Variants in PUDP observed in about 807,000 individuals in gnomAD.
PUDP encodes the protein pseudouridine-5'-phosphatase.
In PUDP, 8 loss-of-function variants were observed where a neutral mutation model predicts 9.4. The observed-to-expected ratio is 0.85, with a 90% CI of 0.50 to 1.53. The LOEUF is 1.53. Among genes scored for constraint, PUDP ranks in the 40% most tolerant of loss-of-function variants. The probability of loss-of-function intolerance (pLI) is 0.00; values close to 1 mark genes in which losing one functional copy is unlikely to be tolerated. For synonymous variants in PUDP, 99 were observed against 80.7 expected (o/e 1.23, Z -1.22); for missense variants, 188 against 189.7 (o/e 0.99, Z 0.05).
intron 1 of PUDP, among the ~76,000 whole-genome samples, chrX:7,012,282 A>C (rs1032245662): frequency 8.9e-6 from 1 of 112,042 alleles, no homozygotes; most frequent in African/African-American, 3.3e-5. Context: ...AAAAGCTTTG[A>C]GCTTTTGGCA....
At chrX:6,956,557 G>T (rs948429204) in intron 3 of PUDP, among the ~76,000 whole-genome samples, 2 of 111,568 alleles carry the variant, frequency 1.8e-5, no homozygotes, top group Admixed American at 1.9e-4. Context: ...TGAACTATCT[G>T]GGCTGGAGGT....
At chrX:6,720,185 TAC>T (rs1261839991) in intron 1 of PUDP, among the ~76,000 whole-genome samples, 1 of 99,952 alleles carries the variant, frequency 1.0e-5, no homozygotes, top group Non-Finnish European at 2.0e-5. Context: ...TGTGTGTATA[TAC>T]ATATGTGTAT....
intron 3 of PUDP, among the ~76,000 whole-genome samples, chrX:6,844,900 C>T (rs1408732468): frequency 1.8e-5 from 2 of 112,041 alleles, no homozygotes; most frequent in African/African-American, 6.5e-5. Context: ...AGCCTGAGAA[C>T]GAGAAGCTGG....
intron 3 of PUDP, among the ~76,000 whole-genome samples, chrX:7,050,962 G>C (rs939220567): frequency 1.8e-5 from 2 of 112,109 alleles, no homozygotes; most frequent in Admixed American, 1.9e-4. Flanking sequence ...GTGCTAGTGT[G>C]ACGTGACAAA....
chrX:7,081,995 C>T (rs747577716), intron 2 of PUDP, among the ~76,000 whole-genome samples: 1 of 112,710 alleles, frequency 8.9e-6, no homozygotes, highest in African/African-American at 3.2e-5. Flanking sequence ...CACTCAGTGG[C>T]TTTCCCTGAG....
chrX:7,098,971 C>A (rs1371783589), intron 2 of PUDP, among the ~76,000 whole-genome samples: 5 of 101,098 alleles, frequency 4.9e-5, no homozygotes, highest in Non-Finnish European at 1.0e-4. Context: ...GGCTGAGGAG[C>A]ACATCTGCAA....
At chrX:6,745,697 A>G (rs5948745) in intron 3 of PUDP, among the ~76,000 whole-genome samples, 36,718 of 110,608 alleles carry the variant, frequency 0.33, 5,942 homozygotes, top group African/African-American at 0.62. Flanking sequence ...AGGCTGGAGT[A>G]CAGTGGCACA....
At chrX:7,037,915 T>C (rs1384932876) in intron 1 of PUDP, among the ~76,000 whole-genome samples, 1 of 111,410 alleles carries the variant, frequency 9.0e-6, no homozygotes, top group African/African-American at 3.3e-5. Flanking sequence ...ATGATGGCAG[T>C]TTTAATGCTA....
intron 2 of PUDP, chrX:7,084,884 A>G (rs1931217782): frequency 8.9e-6 from 1 of 112,078 alleles, no homozygotes; most frequent in Non-Finnish European, 1.9e-5. Context: ...CAATTAAAAA[A>G]TAAATAAGTT....
chrX:7,077,620 C>T (rs891934226), intron 2 of PUDP, among the ~76,000 whole-genome samples, 171 bp from the exon 3 acceptor site: 6 of 112,427 alleles, frequency 5.3e-5, no homozygotes, highest in African/African-American at 1.6e-4. Context: ...CCACAACATC[C>T]CTGCTCAAAT....
intron 3 of PUDP, among the ~76,000 whole-genome samples, chrX:6,822,848 T>A (rs1037624657): frequency 1.8e-5 from 2 of 110,234 alleles, no homozygotes; most frequent in Non-Finnish European, 3.8e-5. Flanking sequence ...GCTCCTCTGC[T>A]TCCTCTCACC....
intron 3 of PUDP, among the ~76,000 whole-genome samples, chrX:6,933,622 G>A (rs1294403228): frequency 8.9e-6 from 1 of 112,320 alleles, no homozygotes. Context: ...ATGGAACAAA[G>A]CTGGATGGAG....
At chrX:7,017,241 C>A (rs1200464553) in intron 1 of PUDP, among the ~76,000 whole-genome samples, 1 of 111,861 alleles carries the variant, frequency 8.9e-6, no homozygotes, top group Non-Finnish European at 1.9e-5. Context: ...GCACCACATT[C>A]TTTAGGTCCC....
At chrX:6,923,775 A>G (rs1366419041) in intron 3 of PUDP, among the ~76,000 whole-genome samples, 1 of 111,396 alleles carries the variant, frequency 9.0e-6, no homozygotes, top group East Asian at 2.8e-4. Flanking sequence ...ATCGTGAACC[A>G]TCTCAGCTCA....
chrX:6,729,546 G>A lies in PUDP; in HGVS notation c.*248-23080C>T, dbSNP rs141497317. Among the ~76,000 whole-genome samples the A allele has an allele frequency of 4.4e-4, 49 of 111,888 alleles. No homozygotes were observed. The East Asian group carries it at 5.6e-3, about 13-fold the overall frequency. On this transcript the variant is annotated intron_variant and NMD_transcript_variant, in intron 3 of 3. Transcript: ENST00000655425. ...TAACTCAGACCTGTCTCAAATATCC[G>A]GGGTTCACATTTTTGTAACCATGGA...
chrX:6,861,539 G>A (rs1213628613), intron 3 of PUDP, among the ~76,000 whole-genome samples: 1 of 111,715 alleles, frequency 9.0e-6, no homozygotes. Context: ...TTCAAAGTGC[G>A]CACATAGCAC....
At chrX:6,791,888 G>A (rs1246179666) in intron 3 of PUDP, among the ~76,000 whole-genome samples, 2 of 111,816 alleles carry the variant, frequency 1.8e-5, no homozygotes, top group Non-Finnish European at 3.8e-5. Flanking sequence ...GCTGTTTAGT[G>A]GACAATTTTT....
chrX:6,809,512 G>A (rs1212074632), intron 3 of PUDP, among the ~76,000 whole-genome samples: 2 of 109,208 alleles, frequency 1.8e-5, no homozygotes, highest in African/African-American at 6.7e-5. Context: ...CCCAGGGCTG[G>A]TTTTGAACTC....
intron 1 of PUDP, among the ~76,000 whole-genome samples, chrX:6,978,663 T>TA (rs1468769507): frequency 1.8e-5 from 2 of 112,264 alleles, no homozygotes; most frequent in Non-Finnish European, 3.8e-5. Context: ...AAAGAATAAC[T>TA]AAAAAATCTT....
Sources: gnomAD v4.1 joint callset for allele counts (sites outside exome capture counted in the v4.1 genomes callset) on GRCh38, gnomAD v4.1.1 for gene constraint, MANE v1.5 for transcripts, NCBI Gene and HGNC (gene_info 2026-07-23, HGNC 2026-07-21) for gene names.